The following COL6A6 variants were observed in gnomAD, a reference collection of about 807,000 sequenced individuals.
COL6A6 encodes collagen alpha-6(VI) chain.
Under a neutral mutation model 208.6 loss-of-function variants are expected in COL6A6, and 183 were observed. The ratio of observed to expected loss-of-function variants is 0.88; its 90% CI spans 0.78 to 0.99. The LOEUF (loss-of-function observed/expected upper bound fraction) is 0.99, where lower values mean the gene tolerates loss of function less well. Among genes scored for constraint, COL6A6 ranks in the 50% least tolerant of loss-of-function variants. The pLI is 0.00. For missense variants in COL6A6, 2,816 were observed against 2,815.2 expected, an observed-to-expected ratio of 1.00 and a Z score of -0.01; for synonymous variants, 973 against 1,011.8, an observed-to-expected ratio of 0.96 and a Z score of 0.73.
intron 18 of COL6A6, among the ~76,000 whole-genome samples, chr3:130,597,653 T>C (rs146023042): frequency 6.6e-6 from 1 of 152,312 alleles, no homozygotes; most frequent in East Asian, 1.9e-4. Flanking sequence ...TTGTGGTTCA[T>C]ACGACTCAAG....
Position 130,675,460 on chromosome 3 carries a change from A to G in COL6A6, c.*63A>G. ...AAGACTCTGGACTTAAATAGTAACTAAATCTGCTGCCAGAACTCAAGCAAC... is the reference window on the plus strand; with the variant it reads ...AAGACTCTGGACTTAAATAGTAACTGAATCTGCTGCCAGAACTCAAGCAAC... On this transcript the variant is annotated 3_prime_UTR_variant, in exon 37 of 37. Transcript: ENST00000358511. The G allele has an allele frequency of 8.0e-7, 1 of 1,242,598 alleles. No individual in the cohort carries two copies. Among genetic ancestry groups the G allele is most frequent in the South Asian group, 1.7e-5 (1 of 60,546 alleles). 77.0% of individuals were successfully genotyped at this position (1,242,598 alleles called of 1,614,324 possible). A position where few individuals can be genotyped will look rare whatever the true frequency, so the allele number is the denominator to read the frequency against.
intron 29 of COL6A6, 122 bp downstream of exon 29, chr3:130,641,836 T>TC (rs2065320198): frequency 5.8e-6 from 3 of 518,994 alleles, no homozygotes; most frequent in African/African-American, 1.9e-5. Context: ...GCCACTTTTT[T>TC]CCCACCTTTA....
At position 130,528,516 on chromosome 3, in the gene COL6A6, A is replaced by G. The variant is rs147642894; in HGVS notation, c.-32+11119A>G. Among the ~76,000 whole-genome samples the G allele has an allele frequency of 2.6e-3, 397 of 152,310 alleles. 5 individuals are homozygous for G. Among genetic ancestry groups the G allele is most frequent in the African/African-American group, 9.1e-3 (378 of 41,572 alleles). The stretch of plus-strand genomic sequence containing the variant: ...TGCAGGTCATACTGTCTCTGTTGCA[A>G]CTACTCAGCTGTGCCATTGTAGTGT... On this transcript the variant is annotated intron_variant, in intron 1 of 36. Coordinates refer to ENST00000358511, the MANE Select transcript of COL6A6 (RefSeq NM_001102608.3).
chr3:130,570,122 A>G (rs938288337), intron 6 of COL6A6, among the ~76,000 whole-genome samples: 2 of 152,232 alleles, frequency 1.3e-5, no homozygotes, highest in East Asian at 1.9e-4. Context: ...CATGCTCCAC[A>G]TGGATTAAGA....
At chr3:130,545,545 C>T (rs1317241983) in intron 1 of COL6A6, among the ~76,000 whole-genome samples, 2 of 151,752 alleles carry the variant, frequency 1.3e-5, no homozygotes, top group East Asian at 3.9e-4. Flanking sequence ...CCTCCGCCTC[C>T]CGGATTCAAG....
intron 1 of COL6A6, among the ~76,000 whole-genome samples, chr3:130,540,862 A>G (rs1223160073): frequency 1.3e-5 from 2 of 152,206 alleles, no homozygotes; most frequent in Non-Finnish European, 2.9e-5. Context: ...GCTGCATAGT[A>G]TTCCATGGTG....
At chr3:130,572,918 A>G (rs1176822178) in intron 7 of COL6A6, among the ~76,000 whole-genome samples, 14 of 152,098 alleles carry the variant, frequency 9.2e-5, no homozygotes, top group South Asian at 8.3e-4. Flanking sequence ...CTTACCAGAA[A>G]GCTAAGGAAC....
rs781539459 is a variant in COL6A6, at chr3:130,593,086, A to G, written c.4397A>G (p.Asp1466Gly). The change falls in exon 16 of 37, where the codon GAC becomes GGC. Residue 1466 changes from aspartate to glycine, a missense_variant. Transcript: ENST00000358511. ...QEGEVGENGI[D>G]GLNGEQGDNG... ...GGAGAAGTTGGGGAAAATGGAATTG[A>G]CGGATTAAACGGAGAACAGGTAGAG... is the stretch of plus-strand genomic sequence containing the variant. The G allele has an allele frequency of 2.1e-5, 34 of 1,613,554 alleles. No individual in the cohort carries two copies. Among genetic ancestry groups the G allele is most frequent in the Non-Finnish European group, 2.9e-5 (34 of 1,179,626 alleles).
intron 36 of COL6A6, among the ~76,000 whole-genome samples, chr3:130,671,532 G>T (rs2066215559): frequency 6.6e-6 from 1 of 152,166 alleles, no homozygotes; most frequent in Non-Finnish European, 1.5e-5. Flanking sequence ...AGTGATCAAA[G>T]ACTCTAATCA....
chr3:130,576,665 C>CG (rs1553785265), intron 8 of COL6A6, among the ~76,000 whole-genome samples: 1 of 150,574 alleles, frequency 6.6e-6, no homozygotes, highest in Non-Finnish European at 1.5e-5. Context: ...GTCATGAATG[C>CG]AAAAAAAAAT....
chr3:130,558,434 A>G (rs1378837258), intron 1 of COL6A6, among the ~76,000 whole-genome samples: 1 of 152,190 alleles, frequency 6.6e-6, no homozygotes, highest in Admixed American at 6.5e-5. Flanking sequence ...CCATTGAAAG[A>G]CTGCAAGAAA....
At chr3:130,635,244 AT>A (rs745431257) in intron 27 of COL6A6, among the ~76,000 whole-genome samples, 10 of 151,998 alleles carry the variant, frequency 6.6e-5, no homozygotes, top group African/African-American at 1.2e-4. Flanking sequence ...CCAAAAAAAA[AT>A]AAAAGTAGAA....
chr3:130,567,702 TGATGGTCATAACTGGAGGGTGCTCC>T (rs1207242800), intron 5 of COL6A6, among the ~76,000 whole-genome samples: 2 of 151,792 alleles, frequency 1.3e-5, no homozygotes. Context: ...GAGACATTTC[TGATGGTCATAACTGGAGGGTGCTCC>T]TGTCATCTAA....
At chr3:130,523,574 A>G (rs1459319795) in intron 1 of COL6A6, among the ~76,000 whole-genome samples, 2 of 152,156 alleles carry the variant, frequency 1.3e-5, no homozygotes, top group Admixed American at 1.3e-4. Context: ...GAAATTATGG[A>G]TCTGGGGTTC....
At chr3:130,531,852 A>G (rs529992161) in intron 1 of COL6A6, among the ~76,000 whole-genome samples, 14 of 152,344 alleles carry the variant, frequency 9.2e-5, no homozygotes, top group Non-Finnish European at 1.8e-4. Flanking sequence ...AGTCTACCTC[A>G]TAGAGTGGTT....
chr3:130,546,317 T>C (rs1347488918), intron 1 of COL6A6, among the ~76,000 whole-genome samples: 2 of 151,656 alleles, frequency 1.3e-5, no homozygotes, highest in Non-Finnish European at 2.9e-5. Flanking sequence ...CTTAAGGTGG[T>C]GCGTCCGGAG....
chr3:130,586,332 CTTA>C (rs2063540971), intron 10 of COL6A6, among the ~76,000 whole-genome samples, 171 bp from the exon 11 acceptor site: 1 of 152,194 alleles, frequency 6.6e-6, no homozygotes, highest in Admixed American at 6.5e-5. Flanking sequence ...CTTTTGTACT[CTTA>C]TTATAGTCTT....
intron 20 of COL6A6, among the ~76,000 whole-genome samples, chr3:130,600,022 C>T (rs547982832): frequency 1.3e-5 from 2 of 152,208 alleles, no homozygotes; most frequent in South Asian, 4.1e-4. Flanking sequence ...GAGCAGATCG[C>T]CAGTCAGGAG....
intron 20 of COL6A6, among the ~76,000 whole-genome samples, chr3:130,600,569 T>C (rs2063983748): frequency 6.6e-6 from 1 of 152,140 alleles, no homozygotes; most frequent in South Asian, 2.1e-4. Context: ...TTTGCAGGGA[T>C]ATGGATGAAG....
Sources: gnomAD v4.1 joint callset for allele counts (sites outside exome capture counted in the v4.1 genomes callset) on GRCh38, gnomAD v4.1.1 for gene constraint, MANE v1.5 for transcripts, NCBI Gene and HGNC (gene_info 2026-07-23, HGNC 2026-07-21) for gene names.